The following SLC15A5 variants were observed in gnomAD, a reference collection of about 807,000 sequenced individuals.
SLC15A5 encodes solute carrier family 15 member 5, also known as Peptide/histidine transporter ENSP00000340402.
Under a neutral mutation model 56.1 loss-of-function variants are expected in SLC15A5, and 58 were observed. That is an observed-to-expected ratio of 1.03 (90% confidence interval 0.84 to 1.29). The LOEUF (loss-of-function observed/expected upper bound fraction) is 1.29, where lower values mean the gene tolerates loss of function less well. Ranked by LOEUF, SLC15A5 falls within the 50% of genes most tolerant of loss-of-function variation. The pLI is 0.00. For missense variants in SLC15A5, 681 were observed against 672.1 expected, an observed-to-expected ratio of 1.01 and a Z score of -0.15; for synonymous variants, 264 against 250.5, an observed-to-expected ratio of 1.05 and a Z score of -0.51.
chr12:16,266,282 CT>C (rs1864695296), intron 2 of SLC15A5, among the ~76,000 whole-genome samples: 1 of 148,486 alleles, frequency 6.7e-6, no homozygotes, highest in African/African-American at 2.4e-5. Flanking sequence ...TGCTTTCAGT[CT>C]TTAGGAAACT....
In SLC15A5 at chr12:16,226,767, G is replaced by A. The variant is rs1347236383; in HGVS notation, c.1163-2165C>T. Among the ~76,000 whole-genome samples, 4 of 152,234 alleles carry A rather than the reference G, an allele frequency of 2.6e-5. No individual in the cohort carries two copies. The East Asian group carries it at 7.7e-4, about 29-fold the overall frequency. On this transcript the variant is annotated intron_variant, in intron 5 of 8. Coordinates refer to ENST00000344941, the MANE Select transcript of SLC15A5 (RefSeq NM_001170798.1). ...TCTAGAAGTTTTTTGTTGAAATTGA[G>A]TAGGATTTTGTTACCGAGTCTGTAT...
intron 2 of SLC15A5, among the ~76,000 whole-genome samples, chr12:16,265,194 A>G (rs1032987796): frequency 3.9e-5 from 6 of 152,204 alleles, no homozygotes; most frequent in Admixed American, 6.5e-5. Context: ...GTAGCAAGGT[A>G]TGGAGAAAAT....
intron 7 of SLC15A5, among the ~76,000 whole-genome samples, chr12:16,203,322 G>A (rs767868249): frequency 4.6e-5 from 7 of 151,830 alleles, no homozygotes; most frequent in Non-Finnish European, 8.8e-5. Flanking sequence ...AAATTTTCAC[G>A]GAAAAAGTAG....
In SLC15A5 at chr12:16,189,499, C is replaced by G; in HGVS notation, c.*169G>C. 2.1e-6 allele frequency: 1 copy of G among 475,776 alleles called. No homozygotes were observed. The allele number at this position is 475,776 out of a possible 1,614,324, so 29.5% of individuals were successfully genotyped here. On this transcript the variant is annotated 3_prime_UTR_variant, in exon 9 of 9. Coordinates refer to ENST00000344941, the MANE Select transcript of SLC15A5 (RefSeq NM_001170798.1). ...ATAACATGTTAATGCAAAAGCATGA[C>G]AGTTTACTAGAAAATTCATAATTAG...
At position 16,188,754 on chromosome 12, in the gene SLC15A5, A is replaced by G. The variant is rs553955163; in HGVS notation, c.*914T>C. 2 of 152,364 alleles carry G rather than the reference A, an allele frequency of 1.3e-5. No individual in the cohort carries two copies. The highest frequency in any genetic ancestry group is 1.3e-4 in the Admixed American group (2 of 15,296). The allele number at this position is 152,364 out of a possible 1,614,324, so 9.4% of individuals were successfully genotyped here. ...ATAGGGGCCAGAAAGATTCACCTGTAGCAAGTTGTCCTCAACCAAATGTTG... is the reference window on the plus strand; with the variant it reads ...ATAGGGGCCAGAAAGATTCACCTGTGGCAAGTTGTCCTCAACCAAATGTTG... On this transcript the variant is annotated 3_prime_UTR_variant, in exon 9 of 9. Coordinates refer to ENST00000344941, the MANE Select transcript of SLC15A5 (RefSeq NM_001170798.1).
Position 16,277,061 on chromosome 12 carries a change from AG to A in SLC15A5, c.361+263del, listed in dbSNP as rs1191732181. ...GGAAAGGAGGGCATTCTAAGGAGTA[AG>A]ATAGATATGTAAAGGAGTAATTATT... is the stretch of plus-strand genomic sequence containing the variant. On this transcript the variant is annotated intron_variant, in intron 1 of 8. Transcript: ENST00000344941. Among the ~76,000 whole-genome samples the A allele has an allele frequency of 3.3e-5, 5 of 152,032 alleles. No homozygotes were observed. The East Asian group carries it at 9.7e-4, about 29-fold the overall frequency.
At chr12:16,261,205 G>A (rs1313543655) in intron 2 of SLC15A5, among the ~76,000 whole-genome samples, 1 of 152,124 alleles carries the variant, frequency 6.6e-6, no homozygotes, top group Non-Finnish European at 1.5e-5. Context: ...CTAAAGCTCA[G>A]TCACATCCCT....
chr12:16,261,524 G>T (rs528036000), intron 2 of SLC15A5, among the ~76,000 whole-genome samples: 1 of 152,012 alleles, frequency 6.6e-6, no homozygotes, highest in Non-Finnish European at 1.5e-5. Flanking sequence ...TACAAATAAC[G>T]CTGTTAAGAA....
chr12:16,276,193 A>G (rs1864816949), intron 1 of SLC15A5, among the ~76,000 whole-genome samples: 1 of 151,998 alleles, frequency 6.6e-6, no homozygotes, highest in Non-Finnish European at 1.5e-5. Context: ...TATTCCACAG[A>G]ACTAAAGCTG....
At chr12:16,230,265 T>G (rs1864283165) in intron 5 of SLC15A5, among the ~76,000 whole-genome samples, 1 of 152,178 alleles carries the variant, frequency 6.6e-6, no homozygotes, top group South Asian at 2.1e-4. Context: ...GGCTAGTCAC[T>G]TGGTGAGAAT....
At chr12:16,244,501 A>C in intron 4 of SLC15A5, 79 bp downstream of exon 4, 1 of 1,305,492 alleles carries the variant, frequency 7.7e-7, no homozygotes, top group Non-Finnish European at 1.1e-6. Context: ...CTCGTTGGGG[A>C]GAAAATTCAC....
chr12:16,246,511 C>T (rs1864462583), intron 3 of SLC15A5, among the ~76,000 whole-genome samples: 1 of 152,156 alleles, frequency 6.6e-6, no homozygotes, highest in Admixed American at 6.6e-5. Context: ...CTCTATTACT[C>T]ATCAACCTGT....
chr12:16,207,727 C>T (rs1234475715), intron 7 of SLC15A5, among the ~76,000 whole-genome samples: 1 of 151,774 alleles, frequency 6.6e-6, no homozygotes, highest in South Asian at 2.1e-4. Flanking sequence ...AATCTTGGCT[C>T]ACTGCAACCT....
intron 8 of SLC15A5, among the ~76,000 whole-genome samples, chr12:16,190,268 C>T (rs1020178784): frequency 2.6e-5 from 4 of 152,186 alleles, no homozygotes; most frequent in African/African-American, 9.6e-5. Flanking sequence ...AAAAACCTGC[C>T]TTTCCAGTGT....
chr12:16,239,707 A>G lies in SLC15A5; in HGVS notation c.1136T>C (p.Val379Ala), dbSNP rs546033530. ...FSTCLFPSKRVGSFLSTCIIA... is the reference protein window; with the variant it reads ...FSTCLFPSKRAGSFLSTCIIA... ...GATGCATGTTGACAGAAATGATCCA[A>G]CTCTCTTAGAGGGAAACAGGCAGGT... The change falls in exon 5 of 9, where the codon GTT becomes GCT. Residue 379 changes from valine to alanine, a missense_variant. Transcript: ENST00000344941. 105 of 1,537,082 alleles carry G rather than the reference A, an allele frequency of 6.8e-5. No individual in the cohort carries two copies. Among genetic ancestry groups the G allele is most frequent in the Middle Eastern group, 1.7e-4 (1 of 5,992 alleles).
At chr12:16,201,437 C>T (rs1863954523) in intron 7 of SLC15A5, among the ~76,000 whole-genome samples, 2 of 152,092 alleles carry the variant, frequency 1.3e-5, no homozygotes, top group South Asian at 4.1e-4. Context: ...TGTGCATTTA[C>T]AGACAACTGA....
chr12:16,213,245 T>C (rs544459577), intron 7 of SLC15A5, among the ~76,000 whole-genome samples: 15 of 152,286 alleles, frequency 9.8e-5, no homozygotes, highest in Middle Eastern at 6.8e-3. Context: ...GAAGGGGTCA[T>C]GACTGCCATC....
Position 16,269,952 on chromosome 12 carries a change from A to T in SLC15A5, c.584+2609T>A, listed in dbSNP as rs1864733389. On this transcript the variant is annotated intron_variant, in intron 2 of 8. Coordinates refer to ENST00000344941, the MANE Select transcript of SLC15A5 (RefSeq NM_001170798.1). This position sits in a 1 kb window ranked among gnomAD's most constrained non-coding sequence, Gnocchi z 4.7. ...AGGTGTATTTACCTAGGTGATCTCC[A>T]GTATGGCGATTCTTAATTGTCCATC... 6.6e-6 allele frequency among the ~76,000 whole-genome samples: 1 copy of T among 152,212 alleles called. No homozygotes were observed. Among genetic ancestry groups the T allele is most frequent in the East Asian group, 1.9e-4 (1 of 5,196 alleles).
chr12:16,257,622 A>G, intron 3 of SLC15A5, 79 bp downstream of exon 3: 1 of 1,152,030 alleles, frequency 8.7e-7, no homozygotes, highest in Non-Finnish European at 1.1e-6. Context: ...AAGAGAAGTT[A>G]TAAAGAATCA....
Sources: allele counts gnomAD v4.1 joint callset (sites outside exome capture counted in the v4.1 genomes callset), GRCh38; gene constraint gnomAD v4.1.1; non-coding constraint Gnocchi (gnomAD v3.1); transcripts MANE v1.5; gene names NCBI Gene and HGNC (gene_info 2026-07-23, HGNC 2026-07-21).